Variants in MYO1F observed in about 807,000 individuals in gnomAD.
MYO1F encodes unconventional myosin-If.
MYO1F carries 60 observed loss-of-function variants against 146.6 expected under a neutral mutation model. That is an observed-to-expected ratio of 0.41 (90% CI 0.33 to 0.51). The LOEUF (loss-of-function observed/expected upper bound fraction) is 0.51. Among genes scored for constraint, MYO1F ranks in the 20% least tolerant of loss-of-function variants. The pLI is 0.25. For missense variants in MYO1F, 1,274 were observed against 1,534.3 expected, an observed-to-expected ratio of 0.83 and a Z score of 2.83; for synonymous variants, 602 against 602.1, an observed-to-expected ratio of 1.00 and a Z score of 0.00.
At chr19:8,563,515 C>CTT (rs111757104) in intron 1 of MYO1F, among the ~76,000 whole-genome samples, 5 of 147,230 alleles carry the variant, frequency 3.4e-5, no homozygotes, top group Non-Finnish European at 4.5e-5. Flanking sequence ...TTCTTTCTTT[C>CTT]TTTTTTTTTT....
intron 14 of MYO1F, among the ~76,000 whole-genome samples, chr19:8,542,221 C>G (rs1322707432): frequency 1.3e-5 from 2 of 150,602 alleles, no homozygotes; most frequent in Non-Finnish European, 3.0e-5. Context: ...AGGATCGTGG[C>G]TGTATCCCAG....
At chr19:8,574,593 C>CTT (rs2042183612) in intron 1 of MYO1F, among the ~76,000 whole-genome samples, 1 of 95,622 alleles carries the variant, frequency 1.0e-5, no homozygotes, top group Non-Finnish European at 2.1e-5. Flanking sequence ...CTCTCTCTCT[C>CTT]TCTCTTTCTT....
intron 27 of MYO1F, among the ~76,000 whole-genome samples, chr19:8,521,994 G>A (rs1972075743): frequency 6.6e-6 from 1 of 151,256 alleles, no homozygotes; most frequent in African/African-American, 2.4e-5. Flanking sequence ...TGCAGTGGTG[G>A]GGTCTGCCTG....
Position 8,530,780 on chromosome 19 carries a change from C to G in MYO1F, c.2044-207G>C, listed in dbSNP as rs1365723207. Among the ~76,000 whole-genome samples the G allele has an allele frequency of 6.6e-6, 1 of 152,224 alleles. No homozygotes were observed. Among genetic ancestry groups the G allele is most frequent in the East Asian group, 1.9e-4 (1 of 5,198 alleles). On this transcript the variant is annotated intron_variant, in intron 19 of 27. Coordinates refer to ENST00000644032, the MANE Select transcript of MYO1F (RefSeq NM_012335.4). The surrounding 1 kb of genome is among the most constrained non-coding windows in gnomAD (Gnocchi z 5.8). The stretch of plus-strand genomic sequence containing the variant: ...AGGGGCCGGGCGCAGTGGCTCACGC[C>G]TGTAATCCTAGCACTTCGGGAGGCC...
intron 2 of MYO1F, 77 bp from the exon 3 acceptor site, chr19:8,554,820 G>C: frequency 7.5e-7 from 1 of 1,341,566 alleles, no homozygotes; most frequent in Non-Finnish European, 1.1e-6. Flanking sequence ...CCCCACCCAG[G>C]GCTTCCTAAA....
chr19:8,555,571 C>T, intron 2 of MYO1F, 88 bp downstream of exon 2: 3 of 1,579,474 alleles, frequency 1.9e-6, no homozygotes, highest in South Asian at 1.1e-5. Context: ...GCCCATTCCT[C>T]CCTCTGCTCC....
At chr19:8,555,925 C>T (rs1329681040) in intron 1 of MYO1F, 129 bp from the exon 2 acceptor site, 4 of 1,025,214 alleles carry the variant, frequency 3.9e-6, no homozygotes, top group Non-Finnish European at 5.6e-6. Context: ...TCCCCATCTC[C>T]AGGAGAGGCT....
intron 1 of MYO1F, among the ~76,000 whole-genome samples, chr19:8,558,655 A>T (rs1973954118): frequency 6.6e-6 from 1 of 152,086 alleles, no homozygotes; most frequent in Non-Finnish European, 1.5e-5. Flanking sequence ...GAGTAGTCTG[A>T]CAGATAGGAG....
chr19:8,543,708 C>CTGG (rs1568348543), intron 14 of MYO1F, among the ~76,000 whole-genome samples: 13 of 20,966 alleles, frequency 6.2e-4, no homozygotes, highest in East Asian at 1.1e-3. Flanking sequence ...GGTGGTGGTG[C>CTGG]TGGTGGTGGT....
chr19:8,574,587 CTCTCTCTCTCTTTCTTTCTTTCTT>C (rs1568381070), intron 1 of MYO1F, among the ~76,000 whole-genome samples: 30 of 81,542 alleles, frequency 3.7e-4, no homozygotes, highest in African/African-American at 1.5e-3. Context: ...TTCTCTCTCT[CTCTCTCTCTCTTTCTTTCTTTCTT>C]TCTTTCTTTC....
intron 14 of MYO1F, chr19:8,543,960 G>GTGGTGGTGGTGGTGGTGC (rs1973191695): frequency 2.9e-6 from 1 of 348,896 alleles, no homozygotes. Context: ...GGTGGTGGTG[G>GTGGTGGTGGTGGTGGTGC]TGGTGGTGGT....
At chr19:8,562,595 G>A (rs866433528) in intron 1 of MYO1F, among the ~76,000 whole-genome samples, 9 of 151,964 alleles carry the variant, frequency 5.9e-5, no homozygotes, top group African/African-American at 2.2e-4. Context: ...GAGTGCAGTG[G>A]TGTAATCATA....
At chr19:8,556,183 C>T (rs550374908) in intron 1 of MYO1F, among the ~76,000 whole-genome samples, 1 of 151,520 alleles carries the variant, frequency 6.6e-6, no homozygotes, top group East Asian at 2.0e-4. Context: ...TGCCCACCAC[C>T]ATGCCCGGCT....
chr19:8,532,919 C>CACACAT (rs1467398788), intron 19 of MYO1F, among the ~76,000 whole-genome samples: 13 of 149,198 alleles, frequency 8.7e-5, no homozygotes, highest in Non-Finnish European at 8.9e-5. Flanking sequence ...CACACACACA[C>CACACAT]ACACACACAC....
At chr19:8,572,072 C>T (rs1158702089) in intron 1 of MYO1F, among the ~76,000 whole-genome samples, 5 of 152,068 alleles carry the variant, frequency 3.3e-5, no homozygotes, top group Admixed American at 6.6e-5. Flanking sequence ...TTTGTCTCGT[C>T]GCTGGAGATT....
intron 1 of MYO1F, among the ~76,000 whole-genome samples, chr19:8,573,870 A>C (rs1227174482): frequency 6.6e-6 from 1 of 152,018 alleles, no homozygotes; most frequent in Admixed American, 6.6e-5. Context: ...CAAAACAAAA[A>C]AACAATACTA....
At chr19:8,550,517 C>G in intron 9 of MYO1F, 45 bp downstream of exon 9, 2 of 1,613,976 alleles carry the variant, frequency 1.2e-6, no homozygotes, top group Non-Finnish European at 8.5e-7. Flanking sequence ...CGCAGTTCAC[C>G]CACCCACAGG....
chr19:8,548,004 G>A, intron 12 of MYO1F, 32 bp downstream of exon 12: 1 of 819,476 alleles, frequency 1.2e-6, no homozygotes, highest in Non-Finnish European at 2.1e-6. Flanking sequence ...CCCACCCCAG[G>A]ATCCCCCATC....
chr19:8,521,498 G>A lies in MYO1F; in HGVS notation c.*30C>T, dbSNP rs533611108. On this transcript the variant is annotated 3_prime_UTR_variant, in exon 28 of 28. Transcript: ENST00000644032. ...CAGGCCGGCAGGCAGATAGGCGGGCGAAAGAGAAGGCAGTATCCCAGGGCC... is the reference window on the plus strand; with the variant it reads ...CAGGCCGGCAGGCAGATAGGCGGGCAAAAGAGAAGGCAGTATCCCAGGGCC... The A allele has an allele frequency of 1.8e-4, 295 of 1,604,068 alleles. 3 individuals are homozygous for A. The Middle Eastern group carries it at 4.0e-3, about 22-fold the overall frequency.
Sources: gnomAD v4.1 joint callset for allele counts (sites outside exome capture counted in the v4.1 genomes callset) on GRCh38, gnomAD v4.1.1 for gene constraint, Gnocchi (gnomAD v3.1) non-coding constraint, MANE v1.5 for transcripts, NCBI Gene and HGNC (gene_info 2026-07-23, HGNC 2026-07-21) for gene names.